BRD3: variants seen among roughly 807,000 people sequenced by gnomAD.
BRD3 encodes bromodomain containing 3, also known as bromodomain-containing protein 3.
A neutral mutation model predicts 66.8 loss-of-function variants in BRD3; 17 were observed. The observed-to-expected ratio is 0.25, with a 90% confidence interval of 0.17 to 0.38. The LOEUF (loss-of-function observed/expected upper bound fraction) is 0.38. Among genes scored for constraint, BRD3 ranks in the 10% least tolerant of loss-of-function variants. BRD3 has a pLI of 1.00. For missense variants in BRD3, 713 were observed against 956.1 expected, an observed-to-expected ratio of 0.75 and a Z score of 3.35; for synonymous variants, 421 against 393.2, an observed-to-expected ratio of 1.07 and a Z score of -0.84.
At chr9:134,036,674 G>C (rs1306450839) in intron 9 of BRD3, 4 of 1,128,954 alleles carry the variant, frequency 3.5e-6, no homozygotes, top group African/African-American at 3.1e-5. Context: ...ATAATAAAAT[G>C]AGAGACCGAA....
At position 134,033,497 on chromosome 9, in the gene BRD3, C is replaced by A; in HGVS notation, c.*93G>T. ...TGAATTAAGAAGCAGACCTGCACAC[C>A]ATGGAACAGAAGTAGTAATATGAAC... On this transcript the variant is annotated 3_prime_UTR_variant, in exon 12 of 12. Coordinates refer to ENST00000303407, the MANE Select transcript of BRD3 (RefSeq NM_007371.4). This position sits in a 1 kb window ranked among gnomAD's most constrained non-coding sequence, Gnocchi z 5.1. The A allele has an allele frequency of 3.1e-6, 2 of 640,364 alleles. No individual in the cohort carries two copies. The highest frequency in any genetic ancestry group is 2.9e-6 in the Non-Finnish European group (1 of 344,058). The allele number at this position is 640,364 out of a possible 1,614,324, so 39.7% of individuals were successfully genotyped here. A position where few individuals can be genotyped will look rare whatever the true frequency, so the allele number is the denominator to read the frequency against.
Position 134,048,363 on chromosome 9 carries a change from T to A in BRD3, c.806A>T (p.Asp269Val). Residue 269 changes from aspartate (D) to valine (V), a missense_variant, in exon 6 of 12, where the codon GAC becomes GTC. Physicochemically the swap from Asp to Val is radical, Grantham distance 152. Transcript: ENST00000303407. ...SRSESPPPLSDPKQAKVVARR... is the reference protein window; with the variant it reads ...SRSESPPPLSVPKQAKVVARR... ...GGCCACCACTTTGGCCTGCTTGGGG[T>A]CTGACAACGGCGGGGGCGACTCACT... The A allele has an allele frequency of 6.3e-7, 1 of 1,599,040 alleles. No homozygotes were observed. The highest frequency in any genetic ancestry group is 8.5e-7 in the Non-Finnish European group (1 of 1,179,860).
At chr9:134,052,269 T>C (rs191951353) in intron 3 of BRD3, 37 bp downstream of exon 3, 2 of 1,608,198 alleles carry the variant, frequency 1.2e-6, no homozygotes, top group East Asian at 2.2e-5. Context: ...GCCCCAATCC[T>C]TACTGCAAGC....
intron 1 of BRD3, among the ~76,000 whole-genome samples, chr9:134,060,904 C>G (rs762708781): frequency 2.6e-5 from 4 of 152,200 alleles, no homozygotes; most frequent in Non-Finnish European, 5.9e-5. Flanking sequence ...CCATAGGGCA[C>G]AGGAGGACCT....
At chr9:134,058,536 G>A (rs1038125736) in intron 1 of BRD3, 5 of 152,310 alleles carry the variant, frequency 3.3e-5, no homozygotes, top group Non-Finnish European at 7.3e-5. Flanking sequence ...CCCCAGGCCA[G>A]AGCCTGACCA....
chr9:134,065,027 G>A (rs1206193869), intron 1 of BRD3, among the ~76,000 whole-genome samples: 1 of 152,248 alleles, frequency 6.6e-6, no homozygotes, highest in Non-Finnish European at 1.5e-5. Flanking sequence ...AAGGCCCAAG[G>A]CAGACCCGCA....
intron 1 of BRD3, among the ~76,000 whole-genome samples, chr9:134,063,834 A>G (rs1830592517): frequency 6.6e-6 from 1 of 152,222 alleles, no homozygotes; most frequent in Non-Finnish European, 1.5e-5. Context: ...CCACACTCAG[A>G]AAGATCCAGC....
intron 5 of BRD3, among the ~76,000 whole-genome samples, chr9:134,049,745 C>A (rs1367093161): frequency 3.3e-5 from 5 of 152,232 alleles, no homozygotes; most frequent in Admixed American, 1.3e-4. Flanking sequence ...ATACTGTCTG[C>A]CCCAGAGGGT....
intron 9 of BRD3, among the ~76,000 whole-genome samples, chr9:134,038,090 G>C (rs1564548255): frequency 6.6e-6 from 1 of 152,182 alleles, no homozygotes; most frequent in Non-Finnish European, 1.5e-5. Flanking sequence ...AAACATTTAA[G>C]TATTAATATC....
At chr9:134,050,781 T>C (rs1388052429) in intron 4 of BRD3, among the ~76,000 whole-genome samples, 193 bp from the exon 5 acceptor site, 2 of 152,000 alleles carry the variant, frequency 1.3e-5, no homozygotes, top group Non-Finnish European at 2.9e-5. Context: ...TCATCTTGGC[T>C]GAGGGCTCCC....
chr9:134,064,822 GA>G (rs1271519693), intron 1 of BRD3, among the ~76,000 whole-genome samples: 1 of 152,234 alleles, frequency 6.6e-6, no homozygotes, highest in Non-Finnish European at 1.5e-5. Flanking sequence ...GATTTCACAG[GA>G]AGGAGAATAG....
In BRD3 at chr9:134,032,862, TTTC is replaced by T. The variant is rs1297239657; in HGVS notation, c.*725_*727del. 1.1e-4 allele frequency: 29 copies of T among 261,172 alleles called. No individual in the cohort carries two copies. Among genetic ancestry groups the T allele is most frequent in the South Asian group, 1.0e-3 (5 of 4,812 alleles). 16.2% of individuals were successfully genotyped at this position (261,172 alleles called of 1,614,324 possible). On this transcript the variant is annotated 3_prime_UTR_variant, in exon 12 of 12. Transcript: ENST00000303407. Reference sequence around the variant, plus strand: ...CTCCTTTTTTTTTTTTTTTAAATCTTTTCTTCTTTTTTTTTTTTTAAAGTTGAG... The same window carrying T: ...CTCCTTTTTTTTTTTTTTTAAATCTTTTCTTTTTTTTTTTTTAAAGTTGAG...
In BRD3 at chr9:134,032,980, A is replaced by T. The variant is rs1588268524; in HGVS notation, c.*610T>A. The T allele has an allele frequency of 2.5e-6, 1 of 396,664 alleles. No individual in the cohort carries two copies. Among genetic ancestry groups the T allele is most frequent in the Middle Eastern group, 6.3e-4 (1 of 1,582 alleles). 24.6% of individuals were successfully genotyped at this position (396,664 alleles called of 1,614,324 possible). Reference sequence around the variant, plus strand: ...GCTCCTGACATCACCACGAGCGGAGAACGCACATCCCACCCGACCACCCCC... The same window carrying T: ...GCTCCTGACATCACCACGAGCGGAGTACGCACATCCCACCCGACCACCCCC... On this transcript the variant is annotated 3_prime_UTR_variant, in exon 12 of 12. Transcript: ENST00000303407.
chr9:134,042,598 C>T (rs437182), intron 7 of BRD3, among the ~76,000 whole-genome samples: 70,002 of 151,226 alleles, frequency 0.46, 17,184 homozygotes, highest in East Asian at 0.63. Flanking sequence ...AATCATGCCA[C>T]TGCACTCCAG....
At chr9:134,053,244 G>C (rs376483406) in intron 2 of BRD3, 21 bp downstream of exon 2, 2 of 1,612,334 alleles carry the variant, frequency 1.2e-6, no homozygotes, top group Non-Finnish European at 1.7e-6. Flanking sequence ...CGTGGCTCTT[G>C]GGGAGGCAGC....
At chr9:134,067,496 C>G (rs1260456173) in intron 1 of BRD3, among the ~76,000 whole-genome samples, 3 of 148,554 alleles carry the variant, frequency 2.0e-5, no homozygotes, top group Non-Finnish European at 4.5e-5. Flanking sequence ...CGCGCACCTT[C>G]CCCCTCCGCG....
intron 10 of BRD3, among the ~76,000 whole-genome samples, chr9:134,035,099 C>T (rs895928717): frequency 6.6e-6 from 1 of 152,228 alleles, no homozygotes; most frequent in Non-Finnish European, 1.5e-5. Context: ...AGAGGCCATT[C>T]CTATGGCGCA....
At chr9:134,036,347 G>A (rs201247662) in intron 9 of BRD3, 23 bp from the exon 10 acceptor site, 26 of 1,579,292 alleles carry the variant, frequency 1.6e-5, no homozygotes, top group Middle Eastern at 1.9e-4. Context: ...ACAGAGCAAC[G>A]TGGTGTTGAG....
intron 1 of BRD3, among the ~76,000 whole-genome samples, chr9:134,055,566 C>G (rs954433492): frequency 8.5e-5 from 13 of 152,206 alleles, no homozygotes; most frequent in Admixed American, 7.9e-4. Context: ...GAGTCAGGCA[C>G]AGAGAGAGCT....
Sources: gnomAD v4.1 joint callset for allele counts (sites outside exome capture counted in the v4.1 genomes callset) on GRCh38, gnomAD v4.1.1 for gene constraint, Gnocchi (gnomAD v3.1) non-coding constraint, MANE v1.5 for transcripts, NCBI Gene and HGNC (gene_info 2026-07-23, HGNC 2026-07-21) for gene names.